Variants in PAH observed in about 807,000 individuals in gnomAD.
PAH encodes the protein phenylalanine-4-hydroxylase.
Under a neutral mutation model 62.0 loss-of-function variants are expected in PAH, and 64 were observed. The ratio of observed to expected loss-of-function variants is 1.03; its 90% CI spans 0.84 to 1.27. The LOEUF is 1.27. Among genes scored for constraint, PAH ranks in the 50% most tolerant of loss-of-function variants. The pLI, the probability that PAH is intolerant of heterozygous loss-of-function variation, is 0.00. For synonymous variants in PAH, 195 were observed against 196.2 expected, an observed-to-expected ratio of 0.99 and a Z score of 0.05; for missense variants, 579 against 542.8, an observed-to-expected ratio of 1.07 and a Z score of -0.66.
At chr12:102,883,657 C>T (rs1198212258) in intron 3 of PAH, among the ~76,000 whole-genome samples, 2 of 152,310 alleles carry the variant, frequency 1.3e-5, no homozygotes, top group South Asian at 2.1e-4. Context: ...GTCGCAGAGG[C>T]TGTGAGGGAC....
intron 2 of PAH, among the ~76,000 whole-genome samples, chr12:102,902,264 G>C (rs139949179): frequency 1.5e-3 from 225 of 152,350 alleles, no homozygotes; most frequent in African/African-American, 5.1e-3. Flanking sequence ...GGAAGCGGGG[G>C]TGTGAAGACA....
At chr12:102,928,260 G>A (rs1468125228) in intron 1 of PAH, among the ~76,000 whole-genome samples, 1 of 152,124 alleles carries the variant, frequency 6.6e-6, no homozygotes, top group East Asian at 1.9e-4. Flanking sequence ...GGGTAAATGG[G>A]GTATCTGTCA....
chr12:102,840,634 G>T (rs1233895268), intron 11 of PAH, 119 bp from the exon 12 acceptor site: 8 of 742,810 alleles, frequency 1.1e-5, no homozygotes, highest in Non-Finnish European at 2.0e-5. Flanking sequence ...CTAGAGCAGG[G>T]TCTTCAACAG....
intron 2 of PAH, among the ~76,000 whole-genome samples, chr12:102,909,990 A>G (rs1303695883): frequency 6.6e-6 from 1 of 152,212 alleles, no homozygotes; most frequent in Non-Finnish European, 1.5e-5. Flanking sequence ...CAAAAAGTGA[A>G]AAGATACTTT....
chr12:102,920,507 T>G (rs994605507), upstream of PAH, among the ~76,000 whole-genome samples: 5 of 152,214 alleles, frequency 3.3e-5, no homozygotes. Context: ...GTTTATCAGT[T>G]CTTTCTTGTT....
intron 5 of PAH, among the ~76,000 whole-genome samples, chr12:102,855,595 C>T (rs772222788): frequency 1.1e-4 from 16 of 152,144 alleles, no homozygotes; most frequent in Non-Finnish European, 2.4e-4. Context: ...CGGGAAATCA[C>T]TTGGTTTTTC....
chr12:102,950,700 C>T (rs1263926290), exon 1 of PAH: 3 of 152,236 alleles, frequency 2.0e-5, no homozygotes, highest in East Asian at 1.9e-4. Context: ...TCTCCTAGCC[C>T]TGTTGAACGC....
rs901771545 is a variant in PAH at position 102,855,387 on chromosome 12, G to A, written c.510-55C>T. 9.7e-6 allele frequency: 14 copies of A among 1,449,598 alleles called. No homozygotes were observed. In the African/African-American group the frequency reaches 9.8e-5, roughly 10 times the overall value. 89.8% of individuals were successfully genotyped at this position (1,449,598 alleles called of 1,614,324 possible). ...AAGCAGGGCAGGGGCACAGCAGAAC[G>A]CAGGTTAGGTTAGCAGAGGGAGTCG... On this transcript the variant is annotated intron_variant, in intron 5 of 12. Transcript: ENST00000553106.
chr12:102,874,615 C>T (rs971328442), intron 4 of PAH, among the ~76,000 whole-genome samples: 1 of 152,104 alleles, frequency 6.6e-6, no homozygotes, highest in East Asian at 1.9e-4. Flanking sequence ...GCTCAAGAAG[C>T]ATTAGCTCCT....
chr12:102,956,710 T>G (rs931532853), intron 1 of PAH, among the ~76,000 whole-genome samples: 1 of 151,740 alleles, frequency 6.6e-6, no homozygotes. Context: ...CCGGAAATAA[T>G]CTTTATGGGG....
chr12:102,867,831 C>T (rs1876045855), intron 4 of PAH, among the ~76,000 whole-genome samples: 1 of 135,918 alleles, frequency 7.4e-6, no homozygotes, highest in Non-Finnish European at 1.5e-5. Flanking sequence ...CTCTCTCTCT[C>T]TCTCCCCCTC....
chr12:102,878,749 T>C (rs911199935), intron 3 of PAH, among the ~76,000 whole-genome samples: 1 of 152,020 alleles, frequency 6.6e-6, no homozygotes, highest in Non-Finnish European at 1.5e-5. Context: ...TTCACCCTGG[T>C]TGTGTTAACA....
At position 102,839,328 on chromosome 12, in the gene PAH, G is replaced by C; in HGVS notation, c.1316-110C>G. 3.0e-6 allele frequency: 3 copies of C among 1,012,842 alleles called. No individual in the cohort carries two copies. In the South Asian group the frequency reaches 3.9e-5, roughly 13 times the overall value. The allele number at this position is 1,012,842 out of a possible 1,614,324, so 62.7% of individuals were successfully genotyped here. On this transcript the variant is annotated intron_variant, in intron 12 of 12. Transcript: ENST00000553106. ...ATAAGTGGGCTTCTTGGATGAGCTG[G>C]GTGCCACCCCAACTTTCAAGGAGCT...
At chr12:102,925,642 C>T (rs974764441) in intron 1 of PAH, among the ~76,000 whole-genome samples, 1 of 152,110 alleles carries the variant, frequency 6.6e-6, no homozygotes, top group Non-Finnish European at 1.5e-5. Flanking sequence ...GCATGACTCA[C>T]GAACTTCTTC....
chr12:102,930,627 AC>A (rs1300097924), intron 1 of PAH, among the ~76,000 whole-genome samples: 2 of 152,096 alleles, frequency 1.3e-5, no homozygotes, highest in African/African-American at 2.4e-5. Flanking sequence ...ATTCCAGAAC[AC>A]CCCTGCTGTC....
intron 2 of PAH, 51 bp from the exon 3 acceptor site, chr12:102,894,969 G>T: frequency 7.4e-7 from 1 of 1,344,814 alleles, no homozygotes. Context: ...AACTAACGCA[G>T]GCCAAAGATG....
chr12:102,849,636 C>T (rs2136642826), intron 8 of PAH, among the ~76,000 whole-genome samples: 1 of 152,314 alleles, frequency 6.6e-6, no homozygotes, highest in East Asian at 1.9e-4. Flanking sequence ...AAAATACTTT[C>T]TGATTTAGAG....
chr12:102,919,033 G>A (rs1317732753), upstream of PAH, among the ~76,000 whole-genome samples: 2 of 152,072 alleles, frequency 1.3e-5, no homozygotes, highest in South Asian at 2.1e-4. Flanking sequence ...ACTGTGCCAC[G>A]CTCTCCACGT....
At chr12:102,844,692 T>A (rs1454815797) in intron 9 of PAH, among the ~76,000 whole-genome samples, 3 of 152,144 alleles carry the variant, frequency 2.0e-5, no homozygotes, top group African/African-American at 7.2e-5. Flanking sequence ...ACATACGTAT[T>A]CTATCTCTCT....
Sources: gnomAD v4.1 joint callset for allele counts (sites outside exome capture counted in the v4.1 genomes callset) on GRCh38, gnomAD v4.1.1 for gene constraint, MANE v1.5 for transcripts, NCBI Gene and HGNC (gene_info 2026-07-23, HGNC 2026-07-21) for gene names.